Variants in SRBD1 observed in about 807,000 individuals in gnomAD.
SRBD1 encodes S1 RNA-binding domain-containing protein 1.
In SRBD1, 88 loss-of-function variants were observed where a neutral mutation model predicts 115.3. The observed-to-expected ratio is 0.76, with a 90% CI of 0.64 to 0.91. The LOEUF (loss-of-function observed/expected upper bound fraction) is 0.91, where lower values mean the gene tolerates loss of function less well. Ranked by LOEUF, SRBD1 falls within the 40% of genes least tolerant of loss-of-function variation. The probability of loss-of-function intolerance (pLI) is 0.00; values close to 1 mark genes in which losing one functional copy is unlikely to be tolerated. For missense variants in SRBD1, 1,385 were observed against 1,177.4 expected, an observed-to-expected ratio of 1.18 and a Z score of -2.58; for synonymous variants, 509 against 407.7, an observed-to-expected ratio of 1.25 and a Z score of -2.99.
chr2:45,414,732 T>TGTGTATATAGTATGTACACACACA (rs1667735545), intron 18 of SRBD1, among the ~76,000 whole-genome samples: 1 of 126,838 alleles, frequency 7.9e-6, no homozygotes, highest in Non-Finnish European at 1.6e-5. Context: ...ACACACACAG[T>TGTGTATATAGTATGTACACACACA]GTGTATATAG....
chr2:45,488,871 A>G (rs77911319), intron 14 of SRBD1, among the ~76,000 whole-genome samples: 1 of 152,162 alleles, frequency 6.6e-6, no homozygotes, highest in African/African-American at 2.4e-5. Context: ...AAAAAAAAAA[A>G]GGGATCAGAC....
chr2:45,514,153 C>A (rs1421792698), intron 14 of SRBD1, among the ~76,000 whole-genome samples: 3 of 152,074 alleles, frequency 2.0e-5, no homozygotes, highest in African/African-American at 7.2e-5. Context: ...TACGAAAAGT[C>A]TGAATTAAAG....
chr2:45,561,502 A>C (rs1335847583), intron 10 of SRBD1, among the ~76,000 whole-genome samples: 4 of 152,258 alleles, frequency 2.6e-5, no homozygotes, highest in African/African-American at 7.2e-5. Context: ...TCAAAGAACA[A>C]GTCATCTAAC....
chr2:45,570,903 T>A (rs1672985996), intron 9 of SRBD1, among the ~76,000 whole-genome samples: 4 of 152,168 alleles, frequency 2.6e-5, no homozygotes, highest in Middle Eastern at 3.4e-3. Flanking sequence ...GTGGCCTTTG[T>A]CAAAAGTACT....
intron 14 of SRBD1, among the ~76,000 whole-genome samples, chr2:45,516,064 C>T (rs1435744762): frequency 1.3e-5 from 2 of 152,208 alleles, no homozygotes; most frequent in Non-Finnish European, 2.9e-5. Flanking sequence ...ACTTTAAACA[C>T]AGAGGAAAGA....
Position 45,508,522 on chromosome 2 carries a change from G to T in SRBD1, c.1875-20191C>A, listed in dbSNP as rs528114548. ...GACAGGACTCCAGTGAATTTTTCCT[G>T]TTAAGTTTTCCAACTCAAAATTAGG... is the stretch of plus-strand genomic sequence containing the variant. On this transcript the variant is annotated intron_variant, in intron 14 of 20. Coordinates refer to ENST00000263736, the MANE Select transcript of SRBD1 (RefSeq NM_018079.5). Among the ~76,000 whole-genome samples, 85 of 152,134 alleles carry T rather than the reference G, an allele frequency of 5.6e-4. No individual in the cohort carries two copies. The South Asian group carries it at 7.3e-3, about 13-fold the overall frequency.
intron 16 of SRBD1, among the ~76,000 whole-genome samples, chr2:45,460,309 T>C (rs1325881231): frequency 1.3e-5 from 2 of 152,184 alleles, no homozygotes; most frequent in African/African-American, 2.4e-5. Flanking sequence ...TCAACACATA[T>C]CCGACTAGGT....
rs571643887 is a variant in SRBD1, at chr2:45,536,908, C to G, written c.1874+9824G>C. ...TGTAATTTCATAGAGCAATGTTCCT[C>G]AAACTTTTATGATCAACCATAAGAA... On this transcript the variant is annotated intron_variant, in intron 14 of 20. Coordinates refer to ENST00000263736, the MANE Select transcript of SRBD1 (RefSeq NM_018079.5). Among the ~76,000 whole-genome samples, 166 of 152,288 alleles carry G rather than the reference C, an allele frequency of 1.1e-3. 1 individual carries two copies. The highest frequency in any genetic ancestry group is 2.0e-3 in the Admixed American group (30 of 15,302).
rs1668559926 is a variant in SRBD1 at position 45,438,217 on chromosome 2, C to A, written c.2050-18323G>T. Among the ~76,000 whole-genome samples, 5 of 152,250 alleles carry A rather than the reference C, an allele frequency of 3.3e-5. No homozygotes were observed. The South Asian group carries it at 1.0e-3, about 32-fold the overall frequency. ...AAATCCCTATATGATTCATTCTGAT[C>A]TGATAGTCTGATCTGAGAGTTAATT... On this transcript the variant is annotated intron_variant, in intron 16 of 20. Transcript: ENST00000263736.
intron 16 of SRBD1, among the ~76,000 whole-genome samples, chr2:45,455,224 A>G (rs550220674): frequency 6.6e-6 from 1 of 151,946 alleles, no homozygotes. Flanking sequence ...AATTTCTATA[A>G]GGGTGAATTT....
At chr2:45,517,253 G>T (rs10427402) in intron 14 of SRBD1, among the ~76,000 whole-genome samples, 36,038 of 151,932 alleles carry the variant, frequency 0.24, 4,327 homozygotes, top group South Asian at 0.3. Flanking sequence ...CTTTTAAATG[G>T]TTAGCTCTGC....
intron 5 of SRBD1, among the ~76,000 whole-genome samples, chr2:45,584,513 A>T (rs1373682097): frequency 6.6e-6 from 1 of 152,198 alleles, no homozygotes; most frequent in Non-Finnish European, 1.5e-5. Context: ...GTTCCCCCAA[A>T]ATAACAGAAA....
At chr2:45,517,901 T>C (rs1671169250) in intron 14 of SRBD1, among the ~76,000 whole-genome samples, 1 of 151,918 alleles carries the variant, frequency 6.6e-6, no homozygotes, top group Non-Finnish European at 1.5e-5. Context: ...CTCTGGGGGC[T>C]GAGGTTGGAG....
chr2:45,581,287 G>T (rs962970772), intron 6 of SRBD1, among the ~76,000 whole-genome samples: 1 of 151,902 alleles, frequency 6.6e-6, no homozygotes, highest in Non-Finnish European at 1.5e-5. Context: ...ACTTCAAAAG[G>T]TGGTAACCTC....
intron 16 of SRBD1, among the ~76,000 whole-genome samples, chr2:45,439,234 C>T (rs993569357): frequency 1.3e-5 from 2 of 151,948 alleles, no homozygotes; most frequent in East Asian, 1.9e-4. Context: ...GGGAATTTTG[C>T]AGACTAAAGG....
Position 45,389,286 on chromosome 2 carries a change from C to A in SRBD1, c.*24G>T. 6.3e-7 allele frequency: 1 copy of A among 1,596,182 alleles called. No homozygotes were observed. Among genetic ancestry groups the A allele is most frequent in the Non-Finnish European group, 8.5e-7 (1 of 1,169,648 alleles). ...ATCTGTGGAAATGAGAAAATAAAAT[C>A]AGCGTCTGGCCTTCGTGGGATACTC... On this transcript the variant is annotated 3_prime_UTR_variant, in exon 21 of 21. Coordinates refer to ENST00000263736, the MANE Select transcript of SRBD1 (RefSeq NM_018079.5).
At position 45,553,741 on chromosome 2, in the gene SRBD1, GA is replaced by G. The variant is rs769315616; in HGVS notation, c.1410-12del. On this transcript the variant is annotated splice_polypyrimidine_tract_variant and intron_variant, in intron 10 of 20. Transcript: ENST00000263736. Reference sequence around the variant, plus strand: ...CTACGTGGTCTCCACCTGCAAAACAGAAAAGCCCACACTAAAACTGATGCAA... The same window carrying G: ...CTACGTGGTCTCCACCTGCAAAACAGAAAGCCCACACTAAAACTGATGCAA... 6.5e-7 allele frequency: 1 copy of G among 1,542,780 alleles called. No homozygotes were observed.
chr2:45,475,420 C>G (rs918474556), intron 16 of SRBD1, among the ~76,000 whole-genome samples: 2 of 152,056 alleles, frequency 1.3e-5, no homozygotes, highest in Admixed American at 1.3e-4. Context: ...ATTGTGCCAC[C>G]CCCCCTTGCT....
chr2:45,403,400 T>G (rs1051122383), intron 19 of SRBD1, among the ~76,000 whole-genome samples: 2 of 152,226 alleles, frequency 1.3e-5, no homozygotes, highest in Admixed American at 1.3e-4. Flanking sequence ...TATCAGTTCC[T>G]GAGTAGTTCC....
Sources: gnomAD v4.1 joint callset for allele counts (sites outside exome capture counted in the v4.1 genomes callset) on GRCh38, gnomAD v4.1.1 for gene constraint, MANE v1.5 for transcripts, NCBI Gene and HGNC (gene_info 2026-07-23, HGNC 2026-07-21) for gene names.